Variants in SMPD1 observed in about 807,000 individuals in gnomAD.
SMPD1 encodes sphingomyelin phosphodiesterase 1, also known as sphingomyelin phosphodiesterase.
A neutral mutation model predicts 49.7 loss-of-function variants in SMPD1; 47 were observed. The ratio of observed to expected loss-of-function variants is 0.95; its 90% CI spans 0.75 to 1.21. SMPD1 has a LOEUF of 1.21. SMPD1 is among the 50% of genes most tolerant of loss of function. The pLI is 0.00. For missense variants in SMPD1, 811 were observed against 822.2 expected (o/e 0.99, Z 0.17); for synonymous variants, 336 against 339.6 (o/e 0.99, Z 0.12).
Position 6,390,511 on chromosome 11 carries a change from C to A in SMPD1, c.-88C>A. ...ACAGAGAAGGGTAATCGGGTGTCCC[C>A]GGCGCCGCCCGGGGCCCTGAGGGCT... On this transcript the variant is annotated 5_prime_UTR_variant, in exon 1 of 6. Coordinates refer to ENST00000342245, the MANE Select transcript of SMPD1 (RefSeq NM_000543.5). 6.4e-7 allele frequency: 1 copy of A among 1,551,432 alleles called. No individual in the cohort carries two copies. The highest frequency in any genetic ancestry group is 1.4e-5 in the African/African-American group (1 of 73,734).
chr11:6,394,572 G>T lies in SMPD1; in HGVS notation c.1861G>T (p.Ala621Ser). 6.2e-7 allele frequency: 1 copy of T among 1,605,576 alleles called. No individual in the cohort carries two copies. Among genetic ancestry groups the T allele is most frequent in the South Asian group, 1.1e-5 (1 of 91,084 alleles). The change falls in exon 6 of 6, where the codon GCC becomes TCC. Residue 621 changes from alanine (A) to serine (S), a missense_variant. Transcript: ENST00000342245. ...GATGCCAGATGGGAGCCTCCCAGAG[G>T]CCCAGAGCCTGTGGCCAAGGCCACT... is the stretch of plus-strand genomic sequence containing the variant. ...HLMPDGSLPE[A>S]QSLWPRPLFC
rs1398380898 is a variant in SMPD1 at position 6,393,684 on chromosome 11, T to C, written c.1331T>C (p.Ile444Thr). 3.1e-6 allele frequency: 5 copies of C among 1,613,832 alleles called. No individual in the cohort carries two copies. The highest frequency in any genetic ancestry group is 1.3e-5 in the African/African-American group (1 of 75,010). The change falls in exon 4 of 6, where the codon ATT becomes ACT. Residue 444 changes from isoleucine to threonine, a missense_variant. Coordinates refer to ENST00000342245, the MANE Select transcript of SMPD1 (RefSeq NM_000543.5). ...AGCTGGAGCTGGAATTATTACCGAA[T>C]TGTAGCCAGGTAGGACGGAGATGAG... is the stretch of plus-strand genomic sequence containing the variant. ...LKSWSWNYYR[I>T]VARYENTLAA...
rs281860669 is a variant in SMPD1, at chr11:6,393,639, C to T, written c.1286C>T (p.Pro429Leu). 1 of 1,613,864 alleles carries T rather than the reference C, an allele frequency of 6.2e-7. No homozygotes were observed. Among genetic ancestry groups the T allele is most frequent in the Non-Finnish European group, 8.5e-7 (1 of 1,179,790 alleles). ...GDKVHIIGHI[P>L]PGHCLKSWSW... ...TAGGTGCATATAATTGGCCACATTC[C>T]CCCAGGGCACTGTCTGAAGAGCTGG... The change falls in exon 4 of 6, where the codon CCC becomes CTC. Residue 429 changes from proline to leucine, a missense_variant. Physicochemically the swap from Pro to Leu is moderately conservative, Grantham distance 98. Coordinates refer to ENST00000342245, the MANE Select transcript of SMPD1 (RefSeq NM_000543.5).
intron 1 of SMPD1, 91 bp from the exon 2 acceptor site, chr11:6,391,293 G>A: frequency 7.6e-7 from 1 of 1,313,452 alleles, no homozygotes; most frequent in South Asian, 1.2e-5. Context: ...GCCCCAGTTT[G>A]GAAATGGAGG....
In SMPD1 at chr11:6,394,383, C is replaced by T. The variant is rs772613617; in HGVS notation, c.1672C>T (p.Leu558=). 7 of 1,614,270 alleles carry T rather than the reference C, an allele frequency of 4.3e-6. No homozygotes were observed. The highest frequency in any genetic ancestry group is 1.1e-5 in the South Asian group (1 of 91,090). ...CACACTGCCTACCGCCTGGCACAACCTGGTATATCGCATGCGGGGCGACAT... is the reference window on the plus strand; with the variant it reads ...CACACTGCCTACCGCCTGGCACAACTTGGTATATCGCATGCGGGGCGACAT... ...PNTLPTAWHN[L]VYRMRGDMQL... The change falls in exon 6 of 6, where the codon CTG becomes TTG. Residue 558 remains leucine (L), a synonymous_variant. Transcript: ENST00000342245.
At position 6,394,251 on chromosome 11, in the gene SMPD1, C is replaced by G. The variant is rs1458226677; in HGVS notation, c.1540C>G (p.Leu514Val). 2 of 1,614,194 alleles carry G rather than the reference C, an allele frequency of 1.2e-6. No homozygotes were observed. The highest frequency in any genetic ancestry group is 2.7e-5 in the African/African-American group (2 of 75,044). Reference protein sequence around the residue: ...GNYSGSSHVVLDHETYILNLT... With the variant: ...GNYSGSSHVVVDHETYILNLT... The stretch of plus-strand genomic sequence containing the variant: ...CTACTCCGGGAGCTCTCACGTGGTC[C>G]TGGACCATGAGACCTACATCCTGAA... Residue 514 changes from leucine to valine, a missense_variant, in exon 6 of 6, where the codon CTG (leucine) becomes GTG (valine). By Grantham distance (32) the Leu-to-Val change is conservative (BLOSUM62 1). Coordinates refer to ENST00000342245, the MANE Select transcript of SMPD1 (RefSeq NM_000543.5).
chr11:6,393,508 A>T, intron 3 of SMPD1, 109 bp from the exon 4 acceptor site: 1 of 1,390,896 alleles, frequency 7.2e-7, no homozygotes, highest in South Asian at 1.2e-5. Context: ...TTCCCTGGGG[A>T]TTCAGCTCAT....
chr11:6,394,267 A>T lies in SMPD1; in HGVS notation c.1556A>T (p.Tyr519Phe), dbSNP rs371837210. 31 of 1,614,186 alleles carry T rather than the reference A, an allele frequency of 1.9e-5. No homozygotes were observed. Among genetic ancestry groups the T allele is most frequent in the Non-Finnish European group, 2.5e-5 (30 of 1,180,024 alleles). ...CACGTGGTCCTGGACCATGAGACCT[A>T]CATCCTGAATCTGACCCAGGCAAAC... ...SSHVVLDHETYILNLTQANIP... is the reference protein window; with the variant it reads ...SSHVVLDHETFILNLTQANIP... Residue 519 changes from tyrosine (Y) to phenylalanine (F), a missense_variant, in exon 6 of 6, where the codon TAC becomes TTC. By Grantham distance (22) the Tyr-to-Phe change is conservative. Transcript: ENST00000342245.
Position 6,391,553 on chromosome 11 carries a change from T to C in SMPD1, c.488T>C (p.Leu163Pro), listed in dbSNP as rs780134410. 1.2e-6 allele frequency: 2 copies of C among 1,613,902 alleles called. No homozygotes were observed. Among genetic ancestry groups the C allele is most frequent in the Middle Eastern group, 3.4e-4 (2 of 5,958 alleles). The change falls in exon 2 of 6, where the codon CTG (leucine) becomes CCG (proline). Residue 163 changes from leucine to proline, a missense_variant. Physicochemically the swap from Leu to Pro is moderately conservative, Grantham distance 98. Transcript: ENST00000342245. Reference sequence around the variant, plus strand: ...CCATCTGAGGCCTGTGGCCTGCTCCTGGGCTCCACCTGTGGGCACTGGGAC... The same window carrying C: ...CCATCTGAGGCCTGTGGCCTGCTCCCGGGCTCCACCTGTGGGCACTGGGAC... ...LSPSEACGLL[L>P]GSTCGHWDIF... is the part of the protein sequence containing the mutation.
In SMPD1 at chr11:6,393,895, G is replaced by T. The variant is rs1057516854; in HGVS notation, c.1341-1G>T. The T allele has an allele frequency of 1.2e-6, 2 of 1,614,160 alleles. No individual in the cohort carries two copies. Among genetic ancestry groups the T allele is most frequent in the Non-Finnish European group, 1.7e-6 (2 of 1,180,024 alleles). ...TTCTGAATGTAGTACCTTCTGGCCA[G>T]GTATGAGAACACCCTGGCTGCTCAG... On this transcript the variant is annotated splice_acceptor_variant, in intron 4 of 5. Coordinates refer to ENST00000342245, the MANE Select transcript of SMPD1 (RefSeq NM_000543.5). LOFTEE classifies it high-confidence loss of function.
At chr11:6,394,136 G>A (rs753275446) in intron 5 of SMPD1, 62 bp from the exon 6 acceptor site, 3 of 1,613,582 alleles carry the variant, frequency 1.9e-6, no homozygotes, top group Non-Finnish European at 2.5e-6. Flanking sequence ...GGCAGGATGT[G>A]TGGCCCCTCC....
chr11:6,392,328 GCT>G, intron 2 of SMPD1, 172 bp downstream of exon 2: 2 of 548,456 alleles, frequency 3.6e-6, no homozygotes, highest in Non-Finnish European at 6.1e-6. Flanking sequence ...GCCGCACCAG[GCT>G]TTTTTTTTTT....
In SMPD1 at chr11:6,392,056, C is replaced by T. The variant is rs142476839; in HGVS notation, c.991C>T (p.Pro331Ser). ...HESTPVNSFP[P>S]PFIEGNHSSR... ...AAGCACACCTGTCAATAGCTTCCCT[C>T]CCCCCTTCATTGAGGGCAACCACTC... The change falls in exon 2 of 6, where the codon CCC (proline) becomes TCC (serine). Residue 331 changes from proline to serine, a missense_variant. Pro to Ser is a moderately conservative substitution (Grantham distance 74). Transcript: ENST00000342245. 143 of 1,613,864 alleles carry T rather than the reference C, an allele frequency of 8.9e-5. No homozygotes were observed. The highest frequency in any genetic ancestry group is 1.2e-4 in the Non-Finnish European group (137 of 1,179,984).
In SMPD1 at chr11:6,390,691, T is replaced by C. The variant is rs2134005000; in HGVS notation, c.93T>C (p.Leu31=). Residue 31 remains leucine (L), a synonymous_variant, in exon 1 of 6, where the codon CTT becomes CTC. Transcript: ENST00000342245. ...QDGTAGAPGL[L]WMGLVLALAL... is the part of the protein sequence containing the mutation. ...GGACCGCCGGAGCCCCCGGACTCCT[T>C]TGGATGGGCCTGGTGCTGGCGCTGG... 1 of 1,599,100 alleles carries C rather than the reference T, an allele frequency of 6.3e-7. No homozygotes were observed. Among genetic ancestry groups the C allele is most frequent in the Middle Eastern group, 1.7e-4 (1 of 6,022 alleles).
Position 6,393,459 on chromosome 11 carries a change from G to A in SMPD1, c.1263+72G>A, listed in dbSNP as rs1047326125. On this transcript the variant is annotated intron_variant, in intron 3 of 5. Transcript: ENST00000342245. ...CTCCTGTTGAGCTGGAGCACCTCTGGGCACAGAAGTTTTATTTTCCTGGCA... is the reference window on the plus strand; with the variant it reads ...CTCCTGTTGAGCTGGAGCACCTCTGAGCACAGAAGTTTTATTTTCCTGGCA... 214 of 1,535,288 alleles carry A rather than the reference G, an allele frequency of 1.4e-4. 2 individuals carry two copies. In the South Asian group the frequency reaches 2.4e-3, roughly 17 times the overall value.
rs7951904 is a variant in SMPD1 at position 6,391,701 on chromosome 11, T to C, written c.636T>C (p.Asp212=). ...RILFLTDLHW[D]HDYLEGTDPD... is the part of the protein sequence containing the mutation. ...TCTTCCTCACTGACCTGCACTGGGA[T>C]CATGACTACCTGGAGGGCACGGACC... The change falls in exon 2 of 6, where the codon GAT becomes GAC. Residue 212 remains aspartate (D), a synonymous_variant. Transcript: ENST00000342245. 219,979 of 1,561,480 alleles carry C rather than the reference T, an allele frequency of 0.14. 16,070 individuals carry two copies. Among genetic ancestry groups the C allele is most frequent in the African/African-American group, 0.2 (13,851 of 70,580 alleles).
At chr11:6,391,008 A>C in intron 1 of SMPD1, 92 bp downstream of exon 1, 7 of 1,487,708 alleles carry the variant, frequency 4.7e-6, no homozygotes, top group Non-Finnish European at 6.4e-6. Flanking sequence ...CTCAGAATGC[A>C]TCCCTGATGG....
In SMPD1 at chr11:6,391,540, T is replaced by C. The variant is rs727504166; in HGVS notation, c.475T>C (p.Cys159Arg). ...RRSVLSPSEACGLLLGSTCGH... is the reference protein window; with the variant it reads ...RRSVLSPSEARGLLLGSTCGH... ...CTCAGTGCTGAGCCCATCTGAGGCC[T>C]GTGGCCTGCTCCTGGGCTCCACCTG... Residue 159 changes from cysteine (C) to arginine (R), a missense_variant, in exon 2 of 6, where the codon TGT (cysteine) becomes CGT (arginine). Coordinates refer to ENST00000342245, the MANE Select transcript of SMPD1 (RefSeq NM_000543.5). 92 of 1,613,764 alleles carry C rather than the reference T, an allele frequency of 5.7e-5. No individual in the cohort carries two copies. Among genetic ancestry groups the C allele is most frequent in the Non-Finnish European group, 7.1e-5 (84 of 1,179,942 alleles).
chr11:6,394,609 G>A lies in SMPD1; in HGVS notation c.*2G>A. 1.2e-6 allele frequency: 2 copies of A among 1,600,140 alleles called. No individual in the cohort carries two copies. Among genetic ancestry groups the A allele is most frequent in the Non-Finnish European group, 1.7e-6 (2 of 1,179,130 alleles). ...TGGCCAAGGCCACTGTTTTGCTAGGGCCCCAGGGCCCACATTTGGGAAAGT... is the reference window on the plus strand; with the variant it reads ...TGGCCAAGGCCACTGTTTTGCTAGGACCCCAGGGCCCACATTTGGGAAAGT... On this transcript the variant is annotated 3_prime_UTR_variant, in exon 6 of 6. Coordinates refer to ENST00000342245, the MANE Select transcript of SMPD1 (RefSeq NM_000543.5).
Sources: allele counts gnomAD v4.1 joint callset, GRCh38; gene constraint gnomAD v4.1.1; transcripts MANE v1.5; gene names NCBI Gene and HGNC (gene_info 2026-07-23, HGNC 2026-07-21).